BSN: variants seen among roughly 807,000 people sequenced by gnomAD.
The protein encoded by BSN is protein bassoon.
Under a neutral mutation model 264.8 loss-of-function variants are expected in BSN, and 57 were observed. The observed-to-expected ratio is 0.22, with a 90% CI of 0.17 to 0.27. The LOEUF (loss-of-function observed/expected upper bound fraction) is 0.27. Among genes scored for constraint, BSN ranks in the 10% least tolerant of loss-of-function variants. The pLI is 1.00. For missense variants in BSN, 4,615 were observed against 5,232.5 expected, an observed-to-expected ratio of 0.88 and a Z score of 3.64; for synonymous variants, 2,059 against 2,137.3, an observed-to-expected ratio of 0.96 and a Z score of 1.01.
chr3:49,606,118 C>T (rs551434686), intron 1 of BSN, among the ~76,000 whole-genome samples: 1,109 of 7,678 alleles, frequency 0.14, 353 homozygotes, highest in African/African-American at 0.16. Context: ...ATAATATATA[C>T]GTATATATTA....
Position 49,618,058 on chromosome 3 carries a change from A to C in BSN, c.225-6917A>C, listed in dbSNP as rs577092772. 2.0e-5 allele frequency among the ~76,000 whole-genome samples: 3 copies of C among 151,956 alleles called. No homozygotes were observed. The East Asian group carries it at 5.8e-4, about 29-fold the overall frequency. ...TTTCCCTGACTTCTCTGGTTCTGACATCTCCTCTACTCCTATGAACTTTGG... is the reference window on the plus strand; with the variant it reads ...TTTCCCTGACTTCTCTGGTTCTGACCTCTCCTCTACTCCTATGAACTTTGG... On this transcript the variant is annotated intron_variant, in intron 1 of 11. Coordinates refer to ENST00000296452, the MANE Select transcript of BSN (RefSeq NM_003458.4).
rs1200034457 is a variant in BSN, at chr3:49,625,465, A to G, written c.633+82A>G. The G allele has an allele frequency of 7.8e-7, 1 of 1,279,856 alleles. No individual in the cohort carries two copies. The highest frequency in any genetic ancestry group is 2.9e-5 in the East Asian group (1 of 34,568). 79.3% of individuals were successfully genotyped at this position (1,279,856 alleles called of 1,614,324 possible). On this transcript the variant is annotated intron_variant, in intron 2 of 11. Coordinates refer to ENST00000296452, the MANE Select transcript of BSN (RefSeq NM_003458.4). This position sits in a 1 kb window ranked among gnomAD's most constrained non-coding sequence, Gnocchi z 4.4. Reference sequence around the variant, plus strand: ...CTGGTTCCCTTCCCCTCTTTCACCAACTCTCTTTTCCTGGTCATTTCCCTT... The same window carrying G: ...CTGGTTCCCTTCCCCTCTTTCACCAGCTCTCTTTTCCTGGTCATTTCCCTT...
chr3:49,639,675 GAGGC>G lies in BSN; in HGVS notation c.634-2589_634-2586del, dbSNP rs557159041. Reference sequence around the variant, plus strand: ...CTAGAGCCTGACTTGGCCTTTGGAAGAGGCAGGACTACAGAAGGCACCAGGCTCC... The same window carrying G: ...CTAGAGCCTGACTTGGCCTTTGGAAGAGGACTACAGAAGGCACCAGGCTCC... On this transcript the variant is annotated intron_variant, in intron 2 of 11. Coordinates refer to ENST00000296452, the MANE Select transcript of BSN (RefSeq NM_003458.4). Among the ~76,000 whole-genome samples, 1,383 of 152,316 alleles carry G rather than the reference GAGGC, an allele frequency of 9.1e-3. 18 individuals are homozygous for G. Among genetic ancestry groups the G allele is most frequent in the African/African-American group, 0.032 (1,327 of 41,556 alleles).
intron 1 of BSN, among the ~76,000 whole-genome samples, chr3:49,584,052 A>T (rs898465706): frequency 6.6e-6 from 1 of 151,046 alleles, no homozygotes. Flanking sequence ...TTTTATTTTT[A>T]TTTTTTTTAT....
In BSN at chr3:49,625,188, G is replaced by A. The variant is rs914968863; in HGVS notation, c.438G>A (p.Pro146=). 12 of 1,560,272 alleles carry A rather than the reference G, an allele frequency of 7.7e-6. No individual in the cohort carries two copies. The highest frequency in any genetic ancestry group is 2.7e-5 in the African/African-American group (2 of 72,938). Residue 146 remains proline, a synonymous_variant, in exon 2 of 12, where the codon CCG becomes CCA. Coordinates refer to ENST00000296452, the MANE Select transcript of BSN (RefSeq NM_003458.4). The surrounding 1 kb of genome is among the most constrained non-coding windows in gnomAD (Gnocchi z 4.4). ...CAGGGCGGTCCCCCTCAGTGTCACC[G>A]GACAGAGGCAGCACCCCCACATCAC... ...QRSGRSPSVS[P]DRGSTPTSPY... is the part of the protein sequence containing the mutation.
At position 49,654,393 on chromosome 3, in the gene BSN, C is replaced by A. The variant is rs762890902; in HGVS notation, c.4837C>A (p.Pro1613Thr). Reference sequence around the variant, plus strand: ...GCTGCCCCCAGAGCCACCTGGGCCACCTGGCTTTCCACGGGTGCCCAGTGC... The same window carrying A: ...GCTGCCCCCAGAGCCACCTGGGCCAACTGGCTTTCCACGGGTGCCCAGTGC... ...SQLPPEPPGP[P>T]GFPRVPSAGA... The change falls in exon 5 of 12, where the codon CCT becomes ACT. Residue 1613 changes from proline (P) to threonine (T), a missense_variant. By Grantham distance (38) the Pro-to-Thr change is conservative (BLOSUM62 -1). Transcript: ENST00000296452. This position sits in a 1 kb window ranked among gnomAD's most constrained non-coding sequence, Gnocchi z 4.1. 2 of 1,604,402 alleles carry A rather than the reference C, an allele frequency of 1.2e-6. No homozygotes were observed. Among genetic ancestry groups the A allele is most frequent in the African/African-American group, 2.7e-5 (2 of 74,864 alleles).
intron 1 of BSN, among the ~76,000 whole-genome samples, chr3:49,594,525 T>C (rs984426038): frequency 6.6e-6 from 1 of 152,236 alleles, no homozygotes; most frequent in Non-Finnish European, 1.5e-5. Flanking sequence ...CTAAATCCTC[T>C]ATTGATTTAT....
rs568845350 is a variant in BSN at position 49,658,854 on chromosome 3, G to A, written c.8640+658G>A. 1.1e-4 allele frequency among the ~76,000 whole-genome samples: 17 copies of A among 152,364 alleles called. 1 individual carries two copies. In the South Asian group the frequency reaches 3.1e-3, roughly 28 times the overall value. The stretch of plus-strand genomic sequence containing the variant: ...GCTTTATTTGCCAGTGATGGATGGG[G>A]ACTGTGAGAAGTGGCTTGGCTGTGG... On this transcript the variant is annotated intron_variant, in intron 5 of 11. Coordinates refer to ENST00000296452, the MANE Select transcript of BSN (RefSeq NM_003458.4).
intron 1 of BSN, among the ~76,000 whole-genome samples, chr3:49,581,284 C>T (rs968749981): frequency 6.6e-6 from 1 of 152,174 alleles, no homozygotes; most frequent in African/African-American, 2.4e-5. Flanking sequence ...TGCGCCTGGC[C>T]TATCCATTTA....
intron 1 of BSN, among the ~76,000 whole-genome samples, chr3:49,602,030 G>A (rs1287177534): frequency 6.6e-6 from 1 of 152,208 alleles, no homozygotes; most frequent in Non-Finnish European, 1.5e-5. Flanking sequence ...AGTGGGCCCT[G>A]TTTCCTGAGA....
rs557659377 is a variant in BSN, at chr3:49,663,846, G to A, written c.11568G>A (p.Arg3856=). ...CAGCCAAAGCACCGCAACAGGGGAG[G>A]GCTCCTCAGGCCCAGCCAGCACCAG... ...KGTAKAPQQG[R]APQAQPAPGP... is the part of the protein sequence containing the mutation. Residue 3856 remains arginine (R), a synonymous_variant, in exon 8 of 12, where the codon AGG becomes AGA. Transcript: ENST00000296452. 6.2e-7 allele frequency: 1 copy of A among 1,614,060 alleles called. No individual in the cohort carries two copies. Among genetic ancestry groups the A allele is most frequent in the African/African-American group, 1.3e-5 (1 of 75,046 alleles).
chr3:49,652,409 C>T lies in BSN; in HGVS notation c.2853C>T (p.Gly951=), dbSNP rs757956936. The change falls in exon 5 of 12, where the codon GGC becomes GGT. Residue 951 remains glycine (G), a synonymous_variant. Coordinates refer to ENST00000296452, the MANE Select transcript of BSN (RefSeq NM_003458.4). Reference sequence around the variant, plus strand: ...GTCATGAGTTGGACCTGGGCCAAGGCCCAGACCCCAGTCTGGACCGGGAGC... The same window carrying T: ...GTCATGAGTTGGACCTGGGCCAAGGTCCAGACCCCAGTCTGGACCGGGAGC... The part of the protein sequence containing the change: ...SYGHELDLGQ[G]PDPSLDREPE... The T allele has an allele frequency of 6.2e-7, 1 of 1,610,854 alleles. No homozygotes were observed. Among genetic ancestry groups the T allele is most frequent in the African/African-American group, 1.3e-5 (1 of 74,868 alleles).
intron 1 of BSN, among the ~76,000 whole-genome samples, chr3:49,610,683 A>G (rs1423826620): frequency 1.3e-5 from 2 of 150,846 alleles, no homozygotes; most frequent in East Asian, 3.9e-4. Context: ...TCTTTCTCCC[A>G]CAAAATAGAC....
intron 1 of BSN, among the ~76,000 whole-genome samples, chr3:49,605,438 TTA>T (rs2052108393): frequency 1.1e-4 from 3 of 27,012 alleles, no homozygotes; most frequent in African/African-American, 3.4e-4. Flanking sequence ...ATAATATATA[TTA>T]TATATATTAT....
At chr3:49,587,565 C>T (rs1226591129) in intron 1 of BSN, among the ~76,000 whole-genome samples, 6 of 152,176 alleles carry the variant, frequency 3.9e-5, no homozygotes, top group African/African-American at 1.4e-4. Context: ...AATGAAAGTG[C>T]ACTCCACAGA....
In BSN at chr3:49,670,751, C is replaced by T. The variant is rs2052748576; in HGVS notation, c.*3266C>T. ...TCTCTGCTCACTTCAGGGCCCAGTG[C>T]ACTCACTTCACAGTGACAGCCCTCC... On this transcript the variant is annotated 3_prime_UTR_variant, in exon 12 of 12. Transcript: ENST00000296452. 2 of 152,314 alleles carry T rather than the reference C, an allele frequency of 1.3e-5. No homozygotes were observed. Among genetic ancestry groups the T allele is most frequent in the Non-Finnish European group, 2.9e-5 (2 of 68,072 alleles). The allele number at this position is 152,314 out of a possible 1,614,324, so 9.4% of individuals were successfully genotyped here.
intron 1 of BSN, among the ~76,000 whole-genome samples, chr3:49,598,964 G>C (rs974538084): frequency 7.2e-5 from 11 of 152,102 alleles, no homozygotes; most frequent in African/African-American, 2.7e-4. Context: ...CACAGTTCAA[G>C]GAGTTTACAT....
intron 1 of BSN, among the ~76,000 whole-genome samples, chr3:49,614,260 C>T (rs557058328): frequency 2.0e-5 from 3 of 151,870 alleles, no homozygotes; most frequent in Non-Finnish European, 2.9e-5. Flanking sequence ...AGGGTTTCAC[C>T]GTGTTAGCCA....
At chr3:49,639,573 C>T (rs535303502) in intron 2 of BSN, among the ~76,000 whole-genome samples, 3 of 152,320 alleles carry the variant, frequency 2.0e-5, no homozygotes, top group Admixed American at 1.3e-4. Context: ...CTCACTGCCT[C>T]GGCATCACTG....
Sources: gnomAD v4.1 joint callset for allele counts (sites outside exome capture counted in the v4.1 genomes callset) on GRCh38, gnomAD v4.1.1 for gene constraint, Gnocchi (gnomAD v3.1) non-coding constraint, MANE v1.5 for transcripts, NCBI Gene and HGNC (gene_info 2026-07-23, HGNC 2026-07-21) for gene names.